Variants in CTNNA2 observed in about 807,000 individuals in gnomAD.
CTNNA2 encodes the protein catenin alpha 2.
CTNNA2 carries 42 observed loss-of-function variants against 101.0 expected under a neutral mutation model. That is an observed-to-expected ratio of 0.42 (90% CI 0.32 to 0.54). The LOEUF (loss-of-function observed/expected upper bound fraction) is 0.54. CTNNA2 is among the 20% of genes least tolerant of loss of function. The pLI is 0.14. For missense variants in CTNNA2, 871 were observed against 1,223.1 expected, an observed-to-expected ratio of 0.71 and a Z score of 4.29; for synonymous variants, 450 against 456.4, an observed-to-expected ratio of 0.99 and a Z score of 0.18.
At position 79,886,614 on chromosome 2, in the gene CTNNA2, G is replaced by A. The variant is rs181183584; in HGVS notation, c.852+12272G>A. Among the ~76,000 whole-genome samples the A allele has an allele frequency of 4.2e-3, 629 of 151,184 alleles. 15 individuals are homozygous for A. Among genetic ancestry groups the A allele is most frequent in the Admixed American group, 0.037 (569 of 15,188 alleles). ...AAAATACAAAAAATTAGTTAGGCGT[G>A]GTGGCGGGCACCTGTAGTCCCAGCT... On this transcript the variant is annotated intron_variant, in intron 6 of 18. Transcript: ENST00000402739.
At chr2:80,283,568 G>T (rs7590887) in intron 7 of CTNNA2, among the ~76,000 whole-genome samples, 2,629 of 152,200 alleles carry the variant, frequency 0.017, 62 homozygotes, top group African/African-American at 0.059. Flanking sequence ...ATGTGTTTAA[G>T]TTTTCAGTGA....
intron 9 of CTNNA2, among the ~76,000 whole-genome samples, chr2:80,515,009 C>T (rs1460828536): frequency 6.6e-6 from 1 of 152,058 alleles, no homozygotes; most frequent in African/African-American, 2.4e-5. Flanking sequence ...TGCCTTCTTC[C>T]TCTATGAAGA....
Position 80,195,924 on chromosome 2 carries a change from A to G in CTNNA2, c.1057-197287A>G, listed in dbSNP as rs553131158. ...AACCGCAGGTCACAAACCAAACTGT[A>G]GAAAAGACAAGGTCCACATCTTTTA... On this transcript the variant is annotated intron_variant, in intron 7 of 18. Coordinates refer to ENST00000402739, the MANE Select transcript of CTNNA2 (RefSeq NM_001282597.3). Among the ~76,000 whole-genome samples, 42 of 152,284 alleles carry G rather than the reference A, an allele frequency of 2.8e-4. No homozygotes were observed. The East Asian group carries it at 7.4e-3, about 27-fold the overall frequency.
rs1348133273 is a variant in CTNNA2 at position 79,715,937 on chromosome 2, CA to C, written c.103-28447del. 9.2e-5 allele frequency among the ~76,000 whole-genome samples: 14 copies of C among 151,846 alleles called. No homozygotes were observed. In the East Asian group the frequency reaches 2.7e-3, roughly 29 times the overall value. On this transcript the variant is annotated intron_variant, in intron 2 of 18. Transcript: ENST00000402739. ...ATTACATCCAACGTATCAATGCTGACAAAGTGCAATCACGATTTCAAAATTT... is the reference window on the plus strand; with the variant it reads ...ATTACATCCAACGTATCAATGCTGACAAGTGCAATCACGATTTCAAAATTT...
intron 7 of CTNNA2, among the ~76,000 whole-genome samples, chr2:80,267,802 T>G (rs1673127756): frequency 6.6e-6 from 1 of 152,048 alleles, no homozygotes; most frequent in African/African-American, 2.4e-5. Flanking sequence ...AGAGGCTGTG[T>G]TAGTGGATTT....
At chr2:79,867,669 T>C (rs1682243962) in intron 4 of CTNNA2, among the ~76,000 whole-genome samples, 1 of 152,214 alleles carries the variant, frequency 6.6e-6, no homozygotes, top group Admixed American at 6.5e-5. Flanking sequence ...GCATCTAGAT[T>C]CTTCAGAGAA....
At chr2:79,406,635 A>G (rs1432202374) in intron 4 of CTNNA2, among the ~76,000 whole-genome samples, 1 of 152,084 alleles carries the variant, frequency 6.6e-6, no homozygotes, top group African/African-American at 2.4e-5. Flanking sequence ...ACAAGGAGTT[A>G]AAGGTGCTTA....
intron 7 of CTNNA2, among the ~76,000 whole-genome samples, chr2:80,269,171 G>A (rs531238978): frequency 1.8e-4 from 28 of 152,328 alleles, no homozygotes; most frequent in African/African-American, 6.5e-4. Flanking sequence ...ATCTCATCTT[G>A]AATGGTAGTT....
intron 9 of CTNNA2, among the ~76,000 whole-genome samples, chr2:80,467,045 T>C (rs1185376989): frequency 6.6e-6 from 1 of 152,212 alleles, no homozygotes; most frequent in African/African-American, 2.4e-5. Context: ...TGATTAGGCA[T>C]GCCATGTTTA....
At chr2:79,427,890 T>C (rs28616218) in intron 4 of CTNNA2, among the ~76,000 whole-genome samples, 48,221 of 151,592 alleles carry the variant, frequency 0.32, 7,745 homozygotes, top group South Asian at 0.44. Flanking sequence ...GATAATTTTG[T>C]GGAGTAATAA....
chr2:79,777,862 A>C (rs1021005972), intron 3 of CTNNA2, among the ~76,000 whole-genome samples: 4 of 151,188 alleles, frequency 2.6e-5, no homozygotes, highest in African/African-American at 9.8e-5. Context: ...GGTAGCAAAG[A>C]TCCACCAGTC....
At chr2:80,548,477 G>A (rs547376004) in intron 11 of CTNNA2, among the ~76,000 whole-genome samples, 318 of 152,170 alleles carry the variant, frequency 2.1e-3, no homozygotes, top group Non-Finnish European at 3.4e-3. Flanking sequence ...CCTCCCCCGA[G>A]CCCTGCCTCT....
intron 3 of CTNNA2, among the ~76,000 whole-genome samples, chr2:79,344,198 A>G (rs955592313): frequency 1.3e-5 from 2 of 152,082 alleles, no homozygotes; most frequent in Non-Finnish European, 2.9e-5. Flanking sequence ...TTGTGTAGCC[A>G]CCTCCCAGAC....
chr2:79,494,277 A>T (rs994620945), intron 4 of CTNNA2, among the ~76,000 whole-genome samples: 4 of 147,150 alleles, frequency 2.7e-5, no homozygotes, highest in African/African-American at 5.0e-5. Context: ...CAGCTGCCCT[A>T]TTTTTTTTTT....
At chr2:79,582,965 G>A (rs768088710) in intron 1 of CTNNA2, among the ~76,000 whole-genome samples, 5 of 152,022 alleles carry the variant, frequency 3.3e-5, no homozygotes, top group Admixed American at 6.6e-5. Flanking sequence ...TCCAGAATAT[G>A]ATAAAAATGG....
chr2:79,418,279 A>G (rs1302879477), intron 4 of CTNNA2, among the ~76,000 whole-genome samples: 1 of 152,130 alleles, frequency 6.6e-6, no homozygotes, highest in Non-Finnish European at 1.5e-5. Context: ...GCAACCTTTT[A>G]TGTCTACACC....
At chr2:80,331,247 A>G (rs1295102989) in intron 7 of CTNNA2, among the ~76,000 whole-genome samples, 1 of 152,196 alleles carries the variant, frequency 6.6e-6, no homozygotes, top group Non-Finnish European at 1.5e-5. Context: ...GGCATGCGGT[A>G]CCACGCCAGA....
intron 3 of CTNNA2, among the ~76,000 whole-genome samples, chr2:79,368,735 C>T (rs1677805054): frequency 6.6e-6 from 1 of 152,166 alleles, no homozygotes; most frequent in South Asian, 2.1e-4. Flanking sequence ...TGAAATGGAG[C>T]ATCCTACTGG....
At chr2:79,250,468 A>G (rs1353526894) in intron 2 of CTNNA2, among the ~76,000 whole-genome samples, 2 of 152,142 alleles carry the variant, frequency 1.3e-5, no homozygotes, top group Non-Finnish European at 2.9e-5. Context: ...CAGGATCAGA[A>G]ATAATATAAA....
Sources: allele counts gnomAD v4.1 joint callset (sites outside exome capture counted in the v4.1 genomes callset), GRCh38; gene constraint gnomAD v4.1.1; transcripts MANE v1.5; gene names NCBI Gene and HGNC (gene_info 2026-07-23, HGNC 2026-07-21).